The following NUDT3 variants were observed in gnomAD, a reference collection of about 807,000 sequenced individuals.
The protein encoded by NUDT3 is nudix hydrolase 3.
A neutral mutation model predicts 23.6 loss-of-function variants in NUDT3; 9 were observed. The observed-to-expected ratio is 0.38, with a 90% CI of 0.23 to 0.66. NUDT3 has a LOEUF of 0.66. NUDT3 is among the 30% of genes least tolerant of loss of function. The pLI is 0.52. For synonymous variants in NUDT3, 86 were observed against 82.6 expected (o/e 1.04, Z -0.22); for missense variants, 172 against 218.5 (o/e 0.79, Z 1.34).
intron 1 of NUDT3, among the ~76,000 whole-genome samples, chr6:34,370,461 C>T (rs1004834526): frequency 4.6e-5 from 7 of 152,196 alleles, no homozygotes; most frequent in African/African-American, 1.2e-4. Context: ...TGTTCTTCAG[C>T]AAACTTCTGC....
At chr6:34,323,895 T>A (rs1317731956) in intron 2 of NUDT3, among the ~76,000 whole-genome samples, 1 of 152,158 alleles carries the variant, frequency 6.6e-6, no homozygotes, top group Admixed American at 6.5e-5. Flanking sequence ...TAGGGTAATA[T>A]ATAATCTTCT....
At chr6:34,354,702 G>A (rs529448219) in intron 1 of NUDT3, among the ~76,000 whole-genome samples, 27 of 147,178 alleles carry the variant, frequency 1.8e-4, no homozygotes, top group Non-Finnish European at 2.8e-4. Context: ...CAGCCTGGGC[G>A]ACAGAGCAAG....
At chr6:34,363,456 A>C (rs1330161433) in intron 1 of NUDT3, among the ~76,000 whole-genome samples, 1 of 152,188 alleles carries the variant, frequency 6.6e-6, no homozygotes, top group Non-Finnish European at 1.5e-5. Flanking sequence ...AAAATAACTG[A>C]ATTTTTATCC....
Position 34,288,742 on chromosome 6 carries a change from G to A in NUDT3, c.*11C>T. ...TTTCCAATTTCCATTTCTCTTACAG[G>A]AAGTCTTCAGTCATCTGATGCCTGA... On this transcript the variant is annotated 3_prime_UTR_variant, in exon 5 of 5. Coordinates refer to ENST00000607016, the MANE Select transcript of NUDT3 (RefSeq NM_006703.4). 1 of 1,603,700 alleles carries A rather than the reference G, an allele frequency of 6.2e-7. No individual in the cohort carries two copies. Among genetic ancestry groups the A allele is most frequent in the Non-Finnish European group, 8.5e-7 (1 of 1,176,534 alleles).
intron 2 of NUDT3, among the ~76,000 whole-genome samples, chr6:34,321,934 T>C (rs960208957): frequency 3.3e-5 from 5 of 152,226 alleles, no homozygotes; most frequent in African/African-American, 1.2e-4. Flanking sequence ...TTAATTTTAA[T>C]TAGTTTGTTT....
At chr6:34,296,309 C>G (rs1744044756) in intron 2 of NUDT3, among the ~76,000 whole-genome samples, 1 of 151,508 alleles carries the variant, frequency 6.6e-6, no homozygotes, top group African/African-American at 2.4e-5. Flanking sequence ...TACTATGGCT[C>G]ATGCCTGTAA....
At chr6:34,335,728 T>G (rs917206551) in intron 2 of NUDT3, among the ~76,000 whole-genome samples, 3 of 149,902 alleles carry the variant, frequency 2.0e-5, no homozygotes, top group East Asian at 1.9e-4. Flanking sequence ...AAAAAAAAAG[T>G]GTTTTTTTCT....
chr6:34,340,244 C>G (rs998148071), intron 2 of NUDT3, among the ~76,000 whole-genome samples: 6 of 152,192 alleles, frequency 3.9e-5, no homozygotes, highest in Non-Finnish European at 8.8e-5. Context: ...ACTGCTGAGT[C>G]AGCCAACCTG....
chr6:34,361,311 AAAC>A (rs1764647522), intron 1 of NUDT3, among the ~76,000 whole-genome samples: 1 of 152,246 alleles, frequency 6.6e-6, no homozygotes, highest in African/African-American at 2.4e-5. Context: ...AATGCGAATG[AAAC>A]AACAAGAAGA....
rs1763281159 is a variant in NUDT3, at chr6:34,281,674, G to A, written c.*7079C>T. ...TGCAACACCATGCCACTGGGCCCTGGACTCTGATGTTTCTGATCCCTGAGC... is the reference window on the plus strand; with the variant it reads ...TGCAACACCATGCCACTGGGCCCTGAACTCTGATGTTTCTGATCCCTGAGC... On this transcript the variant is annotated 3_prime_UTR_variant, in exon 5 of 5. Transcript: ENST00000607016. 1 of 152,194 alleles carries A rather than the reference G, an allele frequency of 6.6e-6. No homozygotes were observed. Among genetic ancestry groups the A allele is most frequent in the Non-Finnish European group, 1.5e-5 (1 of 68,036 alleles). 9.4% of individuals were successfully genotyped at this position (152,194 alleles called of 1,614,324 possible). A position where few individuals can be genotyped will look rare whatever the true frequency, so the allele number is the denominator to read the frequency against.
chr6:34,315,895 C>A (rs1005777903), intron 2 of NUDT3, among the ~76,000 whole-genome samples: 30 of 152,288 alleles, frequency 2.0e-4, no homozygotes, highest in South Asian at 4.1e-4. Flanking sequence ...AATAGCTGAT[C>A]GTCTTTCTTC....
intron 4 of NUDT3, 79 bp from the exon 5 acceptor site, chr6:34,289,010 A>G (rs1763376712): frequency 6.9e-6 from 10 of 1,449,070 alleles, no homozygotes; most frequent in Non-Finnish European, 9.1e-6. Flanking sequence ...AAATATAGAA[A>G]ACATTAAAGC....
At chr6:34,345,662 CAAA>C (rs569837635) in intron 1 of NUDT3, among the ~76,000 whole-genome samples, 4 of 66,646 alleles carry the variant, frequency 6.0e-5, no homozygotes, top group African/African-American at 5.7e-5. Flanking sequence ...GACTCCGTCC[CAAA>C]AAAAAAAAAA....
chr6:34,323,475 G>A (rs527418438), intron 2 of NUDT3, among the ~76,000 whole-genome samples: 18 of 152,226 alleles, frequency 1.2e-4, no homozygotes, highest in African/African-American at 3.6e-4. Context: ...GTTAACGTGG[G>A]AGGACTGCTT....
chr6:34,285,911 T>A lies in NUDT3; in HGVS notation c.*2842A>T, dbSNP rs1291500476. 1.3e-5 allele frequency: 2 copies of A among 152,126 alleles called. No individual in the cohort carries two copies. The highest frequency in any genetic ancestry group is 2.9e-5 in the Non-Finnish European group (2 of 67,996). The allele number at this position is 152,126 out of a possible 1,614,324, so 9.4% of individuals were successfully genotyped here. On this transcript the variant is annotated 3_prime_UTR_variant, in exon 5 of 5. Coordinates refer to ENST00000607016, the MANE Select transcript of NUDT3 (RefSeq NM_006703.4). ...GTCAATTGCATTAACAGGAATCCAT[T>A]CATGTCACTGAAAAATACTTCTTGG...
At chr6:34,305,818 TTCTC>T (rs1763671035) in intron 2 of NUDT3, among the ~76,000 whole-genome samples, 1 of 152,322 alleles carries the variant, frequency 6.6e-6, no homozygotes, top group South Asian at 2.1e-4. Context: ...AAACCTGTGT[TTCTC>T]TCTCTTTCAA....
At chr6:34,295,969 C>T (rs1008053548) in intron 2 of NUDT3, among the ~76,000 whole-genome samples, 1 of 152,156 alleles carries the variant, frequency 6.6e-6, no homozygotes, top group Non-Finnish European at 1.5e-5. Context: ...GCCATGAAGC[C>T]ACCACACCAA....
intron 1 of NUDT3, among the ~76,000 whole-genome samples, chr6:34,381,257 A>C (rs1053988646): frequency 3.3e-5 from 5 of 152,050 alleles, no homozygotes; most frequent in African/African-American, 1.2e-4. Flanking sequence ...AGCTCAAGCA[A>C]TCCTCCCACT....
intron 3 of NUDT3, among the ~76,000 whole-genome samples, chr6:34,293,949 A>G (rs1350494780): frequency 6.6e-6 from 1 of 151,980 alleles, no homozygotes; most frequent in Non-Finnish European, 1.5e-5. Context: ...ACACCCACCC[A>G]CACCCCTCTT....
Sources: allele counts gnomAD v4.1 joint callset (sites outside exome capture counted in the v4.1 genomes callset), GRCh38; gene constraint gnomAD v4.1.1; transcripts MANE v1.5; gene names NCBI Gene and HGNC (gene_info 2026-07-23, HGNC 2026-07-21).